Variants in CLEC19A observed in about 807,000 individuals in gnomAD.
The protein encoded by CLEC19A is C-type lectin domain containing 19A.
In CLEC19A, 21 loss-of-function variants were observed where a neutral mutation model predicts 26.1. The observed-to-expected ratio is 0.80, with a 90% CI of 0.57 to 1.16. CLEC19A has a LOEUF of 1.16. Ranked by LOEUF, CLEC19A falls within the 50% of genes most tolerant of loss-of-function variation. The pLI is 0.00. For missense variants in CLEC19A, 224 were observed against 227.6 expected (o/e 0.98, Z 0.10); for synonymous variants, 89 against 88.6 (o/e 1.00, Z -0.03).
chr16:19,303,831 G>T, intron 2 of CLEC19A: 1 of 407,970 alleles, frequency 2.5e-6, no homozygotes, highest in Non-Finnish European at 4.4e-6. Flanking sequence ...AAATTTTTAG[G>T]GATGAGTAGC....
intron 1 of CLEC19A, among the ~76,000 whole-genome samples, chr16:19,296,250 T>G (rs1567253468): frequency 6.6e-6 from 1 of 152,222 alleles, no homozygotes; most frequent in South Asian, 2.1e-4. Context: ...TGACCAGCCC[T>G]GAGAAGCATG....
intron 1 of CLEC19A, among the ~76,000 whole-genome samples, chr16:19,287,175 G>A (rs1897490269): frequency 6.6e-6 from 1 of 152,072 alleles, no homozygotes; most frequent in Non-Finnish European, 1.5e-5. Context: ...GGGAGCTTAA[G>A]CAACAAACAT....
intron 3 of CLEC19A, among the ~76,000 whole-genome samples, chr16:19,306,331 G>A (rs1897953758): frequency 6.6e-6 from 1 of 151,622 alleles, no homozygotes; most frequent in Non-Finnish European, 1.5e-5. Context: ...TTTTTTGGTA[G>A]AGACAGGGTC....
intron 1 of CLEC19A, among the ~76,000 whole-genome samples, chr16:19,291,863 G>C (rs986753588): frequency 6.6e-6 from 1 of 152,176 alleles, no homozygotes; most frequent in Non-Finnish European, 1.5e-5. Flanking sequence ...ATTGAGCAGT[G>C]ACCTGTCACA....
chr16:19,305,838 T>G (rs1051264365), intron 3 of CLEC19A, among the ~76,000 whole-genome samples: 15 of 150,390 alleles, frequency 1.0e-4, no homozygotes, highest in African/African-American at 3.2e-4. Flanking sequence ...TTTTTTGCTG[T>G]TTTTTTTTTG....
intron 3 of CLEC19A, among the ~76,000 whole-genome samples, chr16:19,307,142 T>G (rs968269248): frequency 1.3e-5 from 2 of 152,102 alleles, no homozygotes; most frequent in Non-Finnish European, 2.9e-5. Context: ...CAAAGTGTAG[T>G]AGTTAGGGGT....
At position 19,307,463 on chromosome 16, in the gene CLEC19A, G is replaced by A. The variant is rs536768118; in HGVS notation, c.349-82G>A. ...GTGTTAGAAATTAAGTTGCTAAGAC[G>A]TCTGAGCTGGAGCTGCCTGGCTCAA... On this transcript the variant is annotated intron_variant, in intron 3 of 4. Coordinates refer to ENST00000636231, the MANE Select transcript of CLEC19A (RefSeq NM_001256720.2). 2.3e-4 allele frequency: 347 copies of A among 1,497,988 alleles called. 2 individuals carry two copies. The Middle Eastern group carries it at 2.4e-3, about 10-fold the overall frequency. The allele number at this position is 1,497,988 out of a possible 1,614,324, so 92.8% of individuals were successfully genotyped here.
rs1898029491 is a variant in CLEC19A, at chr16:19,309,640, T to G, written c.*557T>G. 1 of 152,422 alleles carries G rather than the reference T, an allele frequency of 6.6e-6. No homozygotes were observed. The highest frequency in any genetic ancestry group is 2.1e-4 in the South Asian group (1 of 4,842). 9.4% of individuals were successfully genotyped at this position (152,422 alleles called of 1,614,324 possible). On this transcript the variant is annotated 3_prime_UTR_variant, in exon 5 of 5. Coordinates refer to ENST00000636231, the MANE Select transcript of CLEC19A (RefSeq NM_001256720.2). ...AATTTGCTACGAGAGTAATTTTTTT[T>G]TTTGAGACAGAGTCTCACTCTGTTG...
chr16:19,303,737 A>G (rs568920644), intron 2 of CLEC19A: 175 of 217,988 alleles, frequency 8.0e-4, no homozygotes, highest in Non-Finnish European at 8.2e-4. Context: ...GATGTATGCA[A>G]TGCAATGTAA....
intron 3 of CLEC19A, among the ~76,000 whole-genome samples, chr16:19,307,014 A>G (rs179227): frequency 0.07 from 10,647 of 152,282 alleles, 508 homozygotes; most frequent in East Asian, 0.27. Context: ...TGCAACACCA[A>G]TCAAATTCCC....
At chr16:19,291,993 C>A (rs1395344734) in intron 1 of CLEC19A, among the ~76,000 whole-genome samples, 1 of 152,178 alleles carries the variant, frequency 6.6e-6, no homozygotes, top group Non-Finnish European at 1.5e-5. Flanking sequence ...ACTTGTTTTC[C>A]ACTCTGGGAG....
In CLEC19A at chr16:19,298,563, C is replaced by A. The variant is rs532743425; in HGVS notation, c.89-110C>A. On this transcript the variant is annotated intron_variant, in intron 1 of 4. Transcript: ENST00000636231. ...CCTGGGCAACAGAACGAGACCCTGTCTCTTAAAAAAAATTAAAAGATTGTA... is the reference window on the plus strand; with the variant it reads ...CCTGGGCAACAGAACGAGACCCTGTATCTTAAAAAAAATTAAAAGATTGTA... 18 of 1,176,104 alleles carry A rather than the reference C, an allele frequency of 1.5e-5. No homozygotes were observed. The South Asian group carries it at 2.6e-4, about 17-fold the overall frequency. 72.9% of individuals were successfully genotyped at this position (1,176,104 alleles called of 1,614,324 possible). A position where few individuals can be genotyped will look rare whatever the true frequency, so the allele number is the denominator to read the frequency against.
chr16:19,289,511 C>G (rs1383561588), intron 1 of CLEC19A, among the ~76,000 whole-genome samples: 1 of 152,200 alleles, frequency 6.6e-6, no homozygotes, highest in Non-Finnish European at 1.5e-5. Flanking sequence ...AGACTCAAGT[C>G]TCAATAGAGT....
At position 19,309,644 on chromosome 16, in the gene CLEC19A, GAGACAGAGT is replaced by G. The variant is rs1898029708; in HGVS notation, c.*562_*570del. ...TGCTACGAGAGTAATTTTTTTTTTT[GAGACAGAGT>G]CTCACTCTGTTGCCCAGGCTGAAGT... On this transcript the variant is annotated 3_prime_UTR_variant, in exon 5 of 5. Transcript: ENST00000636231. The G allele has an allele frequency of 6.7e-6, 1 of 149,262 alleles. No homozygotes were observed. The highest frequency in any genetic ancestry group is 6.6e-5 in the Admixed American group (1 of 15,046). 9.2% of individuals were successfully genotyped at this position (149,262 alleles called of 1,614,324 possible).
intron 1 of CLEC19A, among the ~76,000 whole-genome samples, chr16:19,297,460 T>C (rs1432158808): frequency 1.3e-5 from 2 of 152,216 alleles, no homozygotes; most frequent in Non-Finnish European, 2.9e-5. Context: ...TAGCAAATTG[T>C]ATTAAAGCCT....
intron 1 of CLEC19A, among the ~76,000 whole-genome samples, chr16:19,290,663 A>G (rs567343374): frequency 1.3e-4 from 20 of 152,130 alleles, no homozygotes; most frequent in South Asian, 2.1e-4. Context: ...ATAATCACCT[A>G]TGGGATCCTT....
At chr16:19,290,404 A>G (rs1479460992) in intron 1 of CLEC19A, among the ~76,000 whole-genome samples, 1 of 141,596 alleles carries the variant, frequency 7.1e-6, no homozygotes, top group Non-Finnish European at 1.5e-5. Context: ...GTTCCCGGCC[A>G]TGCTAAACCA....
At chr16:19,308,689 C>G (rs1898005858) in intron 4 of CLEC19A, among the ~76,000 whole-genome samples, 1 of 152,174 alleles carries the variant, frequency 6.6e-6, no homozygotes, top group African/African-American at 2.4e-5. Flanking sequence ...CCTCTTTGCT[C>G]TTTTTTCTTT....
At position 19,285,908 on chromosome 16, in the gene CLEC19A, C is replaced by T. The variant is rs1313426014; in HGVS notation, c.57C>T (p.Ala19=). The T allele has an allele frequency of 3.9e-6, 6 of 1,550,472 alleles. No homozygotes were observed. Among genetic ancestry groups the T allele is most frequent in the Non-Finnish European group, 5.2e-6 (6 of 1,147,000 alleles). The change falls in exon 1 of 5, where the codon GCC becomes GCT. Residue 19 remains alanine (A), a synonymous_variant. Coordinates refer to ENST00000636231, the MANE Select transcript of CLEC19A (RefSeq NM_001256720.2). Reference sequence around the variant, plus strand: ...TCCTGACCCTCCACTCTGCACAGGCCTTTCCACAAACAGACATCAGTATCA... The same window carrying T: ...TCCTGACCCTCCACTCTGCACAGGCTTTTCCACAAACAGACATCAGTATCA... ...AAFLTLHSAQ[A]FPQTDISISP...
Sources: gnomAD v4.1 joint callset for allele counts (sites outside exome capture counted in the v4.1 genomes callset) on GRCh38, gnomAD v4.1.1 for gene constraint, MANE v1.5 for transcripts, NCBI Gene and HGNC (gene_info 2026-07-23, HGNC 2026-07-21) for gene names.